Variants in RORA observed in about 807,000 individuals in gnomAD.
The protein encoded by RORA is nuclear receptor ROR-alpha.
In RORA, 7 loss-of-function variants were observed where a neutral mutation model predicts 69.5. The observed-to-expected ratio is 0.10, with a 90% confidence interval of 0.06 to 0.19. The LOEUF (loss-of-function observed/expected upper bound fraction) is 0.19. Ranked by LOEUF, RORA falls within the 10% of genes least tolerant of loss-of-function variation. The probability of loss-of-function intolerance (pLI) is 1.00; values close to 1 mark genes in which losing one functional copy is unlikely to be tolerated. For missense variants in RORA, 457 were observed against 663.0 expected, an observed-to-expected ratio of 0.69 and a Z score of 3.41; for synonymous variants, 261 against 240.8, an observed-to-expected ratio of 1.08 and a Z score of -0.78.
chr15:60,813,153 A>G (rs1045261353), intron 1 of RORA, among the ~76,000 whole-genome samples: 1 of 152,190 alleles, frequency 6.6e-6, no homozygotes. Flanking sequence ...TAGGACTTGT[A>G]TCCTGTCCAT....
Position 60,884,834 on chromosome 15 carries a change from A to G in RORA, c.167-206148T>C, listed in dbSNP as rs554992951. 2.0e-5 allele frequency among the ~76,000 whole-genome samples: 3 copies of G among 152,318 alleles called. No individual in the cohort carries two copies. In the South Asian group the frequency reaches 6.2e-4, roughly 32 times the overall value. The stretch of plus-strand genomic sequence containing the variant: ...TAGCTCAAGATGAAAACAGCCCCCA[A>G]AAGAGCACGGGAGTCATGAGTGTCT... On this transcript the variant is annotated intron_variant, in intron 1 of 10. Coordinates refer to ENST00000335670, the MANE Select transcript of RORA (RefSeq NM_134261.3).
At chr15:60,828,809 C>T (rs1215283733) in intron 1 of RORA, among the ~76,000 whole-genome samples, 6 of 152,348 alleles carry the variant, frequency 3.9e-5, no homozygotes, top group East Asian at 1.9e-4. Context: ...GATCAGACAA[C>T]GGCTCTCCAC....
chr15:60,494,462 T>C lies in RORA; in HGVS notation c.*2993A>G, dbSNP rs2065118507. ...TTTAGGAAACTTTAATTATAAAAAC[T>C]ATTAAGGATAATTGTTCTGATATCA... On this transcript the variant is annotated 3_prime_UTR_variant, in exon 11 of 11. Transcript: ENST00000335670. The C allele has an allele frequency of 6.6e-6, 1 of 152,240 alleles. No individual in the cohort carries two copies. Among genetic ancestry groups the C allele is most frequent in the Non-Finnish European group, 1.5e-5 (1 of 68,040 alleles). The allele number at this position is 152,240 out of a possible 1,614,324, so 9.4% of individuals were successfully genotyped here.
At chr15:60,737,223 G>A (rs7169533) in intron 1 of RORA, among the ~76,000 whole-genome samples, 2,766 of 152,280 alleles carry the variant, frequency 0.018, 96 homozygotes, top group African/African-American at 0.064. Context: ...GGACGGTCTC[G>A]TGGTCCAACT....
intron 1 of RORA, among the ~76,000 whole-genome samples, chr15:61,123,739 A>C (rs938374988): frequency 2.6e-5 from 4 of 152,134 alleles, no homozygotes; most frequent in African/African-American, 9.7e-5. Flanking sequence ...AAGTTTGAGA[A>C]GCACAGCTCC....
intron 1 of RORA, among the ~76,000 whole-genome samples, chr15:61,170,124 G>A (rs942794754): frequency 1.3e-5 from 2 of 152,210 alleles, no homozygotes; most frequent in African/African-American, 4.8e-5. Context: ...TGAGTCATAA[G>A]ACTTCCTGTA....
chr15:60,581,418 CAA>C (rs1263430463), intron 2 of RORA, among the ~76,000 whole-genome samples: 2 of 152,256 alleles, frequency 1.3e-5, no homozygotes, highest in East Asian at 1.9e-4. Flanking sequence ...TTTTGTTAAA[CAA>C]TATCATTTTC....
chr15:61,183,198 C>T (rs545236409), intron 1 of RORA: 2 of 152,348 alleles, frequency 1.3e-5, no homozygotes, highest in East Asian at 3.9e-4. Flanking sequence ...GTTGCCTGTA[C>T]TATCTTTACA....
At chr15:60,505,842 G>C (rs1410914763) in intron 5 of RORA, among the ~76,000 whole-genome samples, 1 of 152,148 alleles carries the variant, frequency 6.6e-6, no homozygotes, top group Admixed American at 6.5e-5. Flanking sequence ...TTGAAGATAA[G>C]ACCTGCTGAC....
intron 2 of RORA, chr15:60,558,024 G>A (rs2067417499): frequency 2.6e-6 from 1 of 383,586 alleles, no homozygotes; most frequent in African/African-American, 2.1e-5. Flanking sequence ...AGAGCAGGAT[G>A]TTTGGCCTCT....
intron 2 of RORA, among the ~76,000 whole-genome samples, chr15:60,552,129 A>G (rs937056428): frequency 6.6e-6 from 1 of 152,180 alleles, no homozygotes; most frequent in Non-Finnish European, 1.5e-5. Context: ...AGGTGCAGAG[A>G]GTTATCAGGG....
At chr15:60,998,564 A>C (rs1894640739) in intron 1 of RORA, among the ~76,000 whole-genome samples, 1 of 151,798 alleles carries the variant, frequency 6.6e-6, no homozygotes, top group South Asian at 2.1e-4. Context: ...CGCCCAGATA[A>C]TTTTTTTGTA....
chr15:60,814,849 A>G (rs533796973), intron 1 of RORA, among the ~76,000 whole-genome samples: 4 of 152,298 alleles, frequency 2.6e-5, no homozygotes, highest in Non-Finnish European at 4.4e-5. Flanking sequence ...CACATGTATT[A>G]GGATTGCTTC....
At chr15:60,542,571 C>T (rs1173114319) in intron 2 of RORA, among the ~76,000 whole-genome samples, 1 of 130,436 alleles carries the variant, frequency 7.7e-6, no homozygotes, top group Non-Finnish European at 1.5e-5. Context: ...ACACACACGG[C>T]ACGCATGCAC....
intron 2 of RORA, among the ~76,000 whole-genome samples, chr15:60,586,455 G>GGTGTGTGTGTGT (rs146340386): frequency 3.2e-4 from 48 of 150,286 alleles, no homozygotes; most frequent in African/African-American, 1.1e-3. Flanking sequence ...GTATTAGAGG[G>GGTGTGTGTGTGT]GTGTGTGTGT....
intron 1 of RORA, among the ~76,000 whole-genome samples, chr15:60,923,757 A>G (rs1002068112): frequency 1.3e-5 from 2 of 152,148 alleles, no homozygotes; most frequent in Non-Finnish European, 2.9e-5. Flanking sequence ...TGTGTCATTT[A>G]TGTTCCCACT....
intron 1 of RORA, among the ~76,000 whole-genome samples, chr15:60,887,285 G>A (rs1261783925): frequency 6.6e-6 from 1 of 152,182 alleles, no homozygotes; most frequent in Admixed American, 6.5e-5. Context: ...AAGGGATCCA[G>A]TTATTTGGCC....
At chr15:60,595,921 A>T (rs1300867004) in intron 2 of RORA, among the ~76,000 whole-genome samples, 1 of 152,186 alleles carries the variant, frequency 6.6e-6, no homozygotes, top group East Asian at 1.9e-4. Context: ...TTCCACACTG[A>T]GTCTGCCACA....
chr15:60,859,341 C>T (rs967009869), intron 1 of RORA, among the ~76,000 whole-genome samples: 1 of 152,138 alleles, frequency 6.6e-6, no homozygotes, highest in African/African-American at 2.4e-5. Flanking sequence ...GGCCTTGCAA[C>T]TCAAAGTGTG....
Sources: allele counts gnomAD v4.1 joint callset (sites outside exome capture counted in the v4.1 genomes callset), GRCh38; gene constraint gnomAD v4.1.1; transcripts MANE v1.5; gene names NCBI Gene and HGNC (gene_info 2026-07-23, HGNC 2026-07-21).